NFATC2: variants seen among roughly 807,000 people sequenced by gnomAD.
The protein encoded by NFATC2 is nuclear factor of activated T cells 2, also known as nuclear factor of activated T-cells, cytoplasmic 2.
In NFATC2, 22 loss-of-function variants were observed where a neutral mutation model predicts 87.3. The ratio of observed to expected loss-of-function variants is 0.25; its 90% CI spans 0.18 to 0.36. The LOEUF is 0.36. NFATC2 is among the 10% of genes least tolerant of loss of function. The pLI is 1.00. For synonymous variants in NFATC2, 565 were observed against 542.2 expected (o/e 1.04, Z -0.58); for missense variants, 1,149 against 1,259.1 (o/e 0.91, Z 1.32).
rs2077039285 is a variant in NFATC2 at position 51,562,258 on chromosome 20, T to A, written c.70+302A>T. Among the ~76,000 whole-genome samples, 1 of 152,200 alleles carries A rather than the reference T, an allele frequency of 6.6e-6. No individual in the cohort carries two copies. Among genetic ancestry groups the A allele is most frequent in the South Asian group, 2.1e-4 (1 of 4,832 alleles). On this transcript the variant is annotated intron_variant, in intron 1 of 10. Transcript: ENST00000414705. The surrounding 1 kb of genome is among the most constrained non-coding windows in gnomAD (Gnocchi z 5.8). ...GCCAGCGGTTAGTAGCGAGAATCCCTCCCGGTGTCCCGTGGAGAGGAAAAT... is the reference window on the plus strand; with the variant it reads ...GCCAGCGGTTAGTAGCGAGAATCCCACCCGGTGTCCCGTGGAGAGGAAAAT...
chr20:51,484,941 A>G (rs997110636), intron 3 of NFATC2, among the ~76,000 whole-genome samples: 4 of 152,252 alleles, frequency 2.6e-5, no homozygotes, highest in Non-Finnish European at 5.9e-5. Context: ...AGGGAACCAT[A>G]AAAAGAATTA....
rs1015270815 is a variant in NFATC2, at chr20:51,510,084, C to T, written c.1332+6700G>A. ...TTTGGAGGTGAGTGCGACGCTTCCACGTTCTCATATTTTGATCACTCCCTA... is the reference window on the plus strand; with the variant it reads ...TTTGGAGGTGAGTGCGACGCTTCCATGTTCTCATATTTTGATCACTCCCTA... On this transcript the variant is annotated intron_variant, in intron 3 of 10. Transcript: ENST00000371564. 3.9e-5 allele frequency among the ~76,000 whole-genome samples: 6 copies of T among 152,352 alleles called. No homozygotes were observed. In the East Asian group the frequency reaches 5.8e-4, roughly 15 times the overall value.
chr20:51,403,107 G>A (rs887614926), intron 9 of NFATC2, among the ~76,000 whole-genome samples: 3 of 152,166 alleles, frequency 2.0e-5, no homozygotes, highest in African/African-American at 7.2e-5. Context: ...TGGAAGCAGA[G>A]GCATCCCTGG....
At position 51,432,294 on chromosome 20, in the gene NFATC2, ATGATGTGCTGGAACTCC is replaced by A; in HGVS notation, c.2478_2494del (p.Gln826HisfsTer52). On this transcript the variant is annotated frameshift_variant, in exon 9 of 11. Coordinates refer to ENST00000371564, the MANE Select transcript of NFATC2 (RefSeq NM_012340.5). LOFTEE classifies it high-confidence loss of function. The surrounding 1 kb of genome is among the most constrained non-coding windows in gnomAD (Gnocchi z 4.6). ...GCCTGGTGCGAAATTCTCGCAGTAC[ATGATGTGCTGGAACTCC>A]TGGTGGCTTCCGCAGCGCAGCTGCT... The A allele has an allele frequency of 6.2e-7, 1 of 1,614,190 alleles. No individual in the cohort carries two copies. The highest frequency in any genetic ancestry group is 8.5e-7 in the Non-Finnish European group (1 of 1,180,038).
rs1363816306 is a variant in NFATC2, at chr20:51,475,666, G to T, written c.1333-6C>A. On this transcript the variant is annotated splice_polypyrimidine_tract_variant and splice_region_variant and intron_variant, in intron 3 of 10. Coordinates refer to ENST00000371564, the MANE Select transcript of NFATC2 (RefSeq NM_012340.5). ...TTTTCCATGTAGCCATGGAGCTGGT[G>T]GGGGAGAAAACAAAATCATTAAGGT... The T allele has an allele frequency of 6.2e-7, 1 of 1,613,932 alleles. No individual in the cohort carries two copies.
intron 9 of NFATC2, among the ~76,000 whole-genome samples, chr20:51,422,157 G>A (rs1212886656): frequency 2.0e-5 from 3 of 152,168 alleles, no homozygotes; most frequent in African/African-American, 7.2e-5. Flanking sequence ...GACAGCCTGG[G>A]ACTTAAGTCC....
At chr20:51,560,837 C>T (rs2077014787) in intron 1 of NFATC2, among the ~76,000 whole-genome samples, 1 of 152,104 alleles carries the variant, frequency 6.6e-6, no homozygotes, top group African/African-American at 2.4e-5. Context: ...CATTTTGAAA[C>T]CTTAGCAGAA....
At chr20:51,533,446 G>T (rs1448204243) in intron 1 of NFATC2, among the ~76,000 whole-genome samples, 1 of 152,212 alleles carries the variant, frequency 6.6e-6, no homozygotes, top group Admixed American at 6.5e-5. Context: ...CCAGAGTCAG[G>T]TTGTCACACC....
In NFATC2 at chr20:51,432,245, C is replaced by T. The variant is rs546062557; in HGVS notation, c.2544G>A (p.Pro848=). ...APGTTRPGPP[P]VSQGQRLSPG... ...GGCTCAGCCTCTGACCTTGACTGACCGGGGGCGGGCCAGGTCTGGTGGTGC... is the reference window on the plus strand; with the variant it reads ...GGCTCAGCCTCTGACCTTGACTGACTGGGGGCGGGCCAGGTCTGGTGGTGC... The change falls in exon 9 of 11, where the codon CCG becomes CCA. Residue 848 remains proline (P), a synonymous_variant. Transcript: ENST00000371564. This position sits in a 1 kb window ranked among gnomAD's most constrained non-coding sequence, Gnocchi z 4.6. The T allele has an allele frequency of 7.4e-6, 12 of 1,614,104 alleles. No individual in the cohort carries two copies. The highest frequency in any genetic ancestry group is 6.6e-5 in the South Asian group (6 of 91,060).
chr20:51,418,982 C>A (rs368491818), intron 9 of NFATC2, among the ~76,000 whole-genome samples: 2 of 149,230 alleles, frequency 1.3e-5, no homozygotes, highest in Non-Finnish European at 2.9e-5. Context: ...CTTTATAGTA[C>A]GTATTTACCA....
chr20:51,509,966 G>A (rs554306127), intron 3 of NFATC2, among the ~76,000 whole-genome samples: 13 of 152,314 alleles, frequency 8.5e-5, no homozygotes, highest in East Asian at 1.9e-4. Context: ...AATGGCCATC[G>A]GGTTTCCGCA....
chr20:51,555,449 T>C (rs1442366345), intron 1 of NFATC2, among the ~76,000 whole-genome samples: 3 of 151,904 alleles, frequency 2.0e-5, no homozygotes, highest in Non-Finnish European at 4.4e-5. Flanking sequence ...AAAAATTAGC[T>C]GGGTGTGGTG....
At chr20:51,519,330 A>G (rs898317234) in intron 2 of NFATC2, among the ~76,000 whole-genome samples, 3 of 152,086 alleles carry the variant, frequency 2.0e-5, no homozygotes, top group African/African-American at 7.2e-5. Flanking sequence ...ATGCTGAAAT[A>G]CAATCTGAAG....
intron 9 of NFATC2, among the ~76,000 whole-genome samples, chr20:51,421,749 C>T (rs780762184): frequency 6.6e-6 from 1 of 152,142 alleles, no homozygotes; most frequent in Non-Finnish European, 1.5e-5. Flanking sequence ...TCAACACTGG[C>T]ATCTAATCAA....
intron 3 of NFATC2, among the ~76,000 whole-genome samples, chr20:51,502,417 C>T (rs1344390544): frequency 6.6e-6 from 1 of 152,214 alleles, no homozygotes; most frequent in African/African-American, 2.4e-5. Context: ...CCTCCATCTC[C>T]AGGTTCAAGG....
intron 6 of NFATC2, among the ~76,000 whole-genome samples, chr20:51,446,762 C>T (rs1985112687): frequency 6.6e-6 from 1 of 152,238 alleles, no homozygotes; most frequent in Non-Finnish European, 1.5e-5. Flanking sequence ...ATCTGGATCG[C>T]ATCTTTGGAG....
In NFATC2 at chr20:51,480,241, T is replaced by C. The variant is rs758091071; in HGVS notation, c.1333-4581A>G. Among the ~76,000 whole-genome samples, 2 of 151,828 alleles carry C rather than the reference T, an allele frequency of 1.3e-5. No homozygotes were observed. Among genetic ancestry groups the C allele is most frequent in the Non-Finnish European group, 2.9e-5 (2 of 67,982 alleles). The stretch of plus-strand genomic sequence containing the variant: ...GGTTGGAGGTGGCAGTGAGCCGATA[T>C]TGCACCACTGCACTCCCGCCTGGGT... On this transcript the variant is annotated intron_variant, in intron 3 of 10. Coordinates refer to ENST00000371564, the MANE Select transcript of NFATC2 (RefSeq NM_012340.5). The surrounding 1 kb of genome is among the most constrained non-coding windows in gnomAD (Gnocchi z 4.2).
chr20:51,508,650 A>G (rs1398787329), intron 3 of NFATC2, among the ~76,000 whole-genome samples: 1 of 151,990 alleles, frequency 6.6e-6, no homozygotes, highest in Non-Finnish European at 1.5e-5. Context: ...GTCACCTCTA[A>G]AAGATGCTTT....
chr20:51,391,027 A>T lies in NFATC2; in HGVS notation c.*469T>A. On this transcript the variant is annotated 3_prime_UTR_variant, in exon 11 of 11. Coordinates refer to ENST00000371564, the MANE Select transcript of NFATC2 (RefSeq NM_012340.5). ...AACGCAAGGGCTGGGGTTTAATCACAGTGCCCACATCTTCTGTCCCCCGTC... is the reference window on the plus strand; with the variant it reads ...AACGCAAGGGCTGGGGTTTAATCACTGTGCCCACATCTTCTGTCCCCCGTC... 2.6e-6 allele frequency: 1 copy of T among 387,660 alleles called. No homozygotes were observed. 24.0% of individuals were successfully genotyped at this position (387,660 alleles called of 1,614,324 possible).
Sources: gnomAD v4.1 joint callset for allele counts (sites outside exome capture counted in the v4.1 genomes callset) on GRCh38, gnomAD v4.1.1 for gene constraint, Gnocchi (gnomAD v3.1) non-coding constraint, MANE v1.5 for transcripts, NCBI Gene and HGNC (gene_info 2026-07-23, HGNC 2026-07-21) for gene names.